The following DEFB108B variants were observed in gnomAD, a reference collection of about 807,000 sequenced individuals.
The protein encoded by DEFB108B is beta-defensin 108B.
In DEFB108B, 3 loss-of-function variants were observed where a neutral mutation model predicts 2.4. That is an observed-to-expected ratio of 1.25 (90% CI 0.57 to 3.24). The LOEUF (loss-of-function observed/expected upper bound fraction) is 3.24, where lower values mean the gene tolerates loss of function less well. Ranked by LOEUF, DEFB108B falls within the 30% of genes most tolerant of loss-of-function variation. The pLI is 0.03. For synonymous variants in DEFB108B, 25 were observed against 28.7 expected (o/e 0.87, Z 0.41); for missense variants, 101 against 87.8 (o/e 1.15, Z -0.60).
chr11:71,837,440 T>C lies in DEFB108B; in HGVS notation c.100T>C (p.Ser34Pro), dbSNP rs1211264378. The C allele has an allele frequency of 6.2e-7, 1 of 1,611,986 alleles. No homozygotes were observed. The highest frequency in any genetic ancestry group is 1.7e-5 in the Admixed American group (1 of 60,018). The change falls in exon 2 of 2, where the codon TCC becomes CCC. Residue 34 changes from serine (S) to proline (P), a missense_variant. Coordinates refer to ENST00000328698, the MANE Select transcript of DEFB108B (RefSeq NM_001002035.2). ...FKEICERPNG[S>P]CRDFCLETEI... is the part of the protein sequence containing the mutation. ...GGAGATCTGTGAACGTCCAAATGGC[T>C]CCTGTCGGGACTTTTGCCTTGAAAC...
At chr11:71,835,553 T>C (rs1366806618) in intron 1 of DEFB108B, among the ~76,000 whole-genome samples, 1 of 152,214 alleles carries the variant, frequency 6.6e-6, no homozygotes, top group African/African-American at 2.4e-5. Context: ...AACATACAAA[T>C]TTAGGTCTTT....
intron 1 of DEFB108B, among the ~76,000 whole-genome samples, chr11:71,834,548 G>A (rs1179431622): frequency 6.6e-6 from 1 of 152,164 alleles, no homozygotes. Context: ...ACAGGCAGAA[G>A]CATTACTCAC....
intron 1 of DEFB108B, among the ~76,000 whole-genome samples, chr11:71,834,260 C>T (rs1431772090): frequency 1.3e-5 from 2 of 152,102 alleles, no homozygotes; most frequent in Non-Finnish European, 2.9e-5. Flanking sequence ...TATATTAACT[C>T]GGTAGCACAC....
At chr11:71,833,749 T>C (rs1952195887) in intron 1 of DEFB108B, among the ~76,000 whole-genome samples, 1 of 152,198 alleles carries the variant, frequency 6.6e-6, no homozygotes, top group Non-Finnish European at 1.5e-5. Context: ...GGGCTTGACT[T>C]TTCCCCTTAA....
rs747515157 is a variant in DEFB108B, at chr11:71,837,444, G to C, written c.104G>C (p.Cys35Ser). 2.5e-6 allele frequency: 4 copies of C among 1,612,012 alleles called. No individual in the cohort carries two copies. The East Asian group carries it at 8.9e-5, about 36-fold the overall frequency. The stretch of plus-strand genomic sequence containing the variant: ...ATCTGTGAACGTCCAAATGGCTCCT[G>C]TCGGGACTTTTGCCTTGAAACAGAA... ...KEICERPNGS[C>S]RDFCLETEIH... Residue 35 changes from cysteine (C) to serine (S), a missense_variant, in exon 2 of 2, where the codon TGT becomes TCT. Coordinates refer to ENST00000328698, the MANE Select transcript of DEFB108B (RefSeq NM_001002035.2).
intron 1 of DEFB108B, among the ~76,000 whole-genome samples, chr11:71,834,499 A>T (rs1301707567): frequency 1.3e-5 from 2 of 152,174 alleles, no homozygotes; most frequent in Non-Finnish European, 2.9e-5. Context: ...TTTCATTGTC[A>T]CTCAATCAAA....
chr11:71,833,276 T>C lies in DEFB108B; in HGVS notation c.58+19T>C. ...CTACCAGGTAACAAAATAAACTTGG[T>C]AAGAGTAGAGTGCCTAACACCTTAC... On this transcript the variant is annotated intron_variant, in intron 1 of 1. Coordinates refer to ENST00000328698, the MANE Select transcript of DEFB108B (RefSeq NM_001002035.2). 1 of 1,552,722 alleles carries C rather than the reference T, an allele frequency of 6.4e-7. No individual in the cohort carries two copies. The highest frequency in any genetic ancestry group is 8.8e-7 in the Non-Finnish European group (1 of 1,132,630).
At position 71,837,383 on chromosome 11, in the gene DEFB108B, C is replaced by T. The variant is rs1952229154; in HGVS notation, c.59-16C>T. ...AAGACTGGTGAATGGTTACAATAACCCTCTTCTTCATGTAGCCAGGGGCAA... is the reference window on the plus strand; with the variant it reads ...AAGACTGGTGAATGGTTACAATAACTCTCTTCTTCATGTAGCCAGGGGCAA... On this transcript the variant is annotated splice_polypyrimidine_tract_variant and intron_variant, in intron 1 of 1. Coordinates refer to ENST00000328698, the MANE Select transcript of DEFB108B (RefSeq NM_001002035.2). The T allele has an allele frequency of 1.9e-6, 3 of 1,611,268 alleles. No homozygotes were observed. Among genetic ancestry groups the T allele is most frequent in the Non-Finnish European group, 2.5e-6 (3 of 1,179,320 alleles).
chr11:71,835,395 A>C (rs1952210112), intron 1 of DEFB108B, among the ~76,000 whole-genome samples: 1 of 152,160 alleles, frequency 6.6e-6, no homozygotes, highest in Non-Finnish European at 1.5e-5. Context: ...AGCTGCATCC[A>C]TGTTACTGAA....
intron 1 of DEFB108B, among the ~76,000 whole-genome samples, chr11:71,836,007 G>T (rs1952214107): frequency 6.6e-6 from 1 of 152,122 alleles, no homozygotes; most frequent in Admixed American, 6.5e-5. Context: ...CACAAGACAG[G>T]TCAGTGGTTC....
intron 1 of DEFB108B, chr11:71,834,607 GC>G (rs1391418047): frequency 6.6e-6 from 1 of 152,216 alleles, no homozygotes; most frequent in African/African-American, 2.4e-5. Flanking sequence ...ACAGGATGGT[GC>G]TAAAGAATGC....
At chr11:71,835,715 G>T (rs1279942584) in intron 1 of DEFB108B, among the ~76,000 whole-genome samples, 1 of 152,150 alleles carries the variant, frequency 6.6e-6, no homozygotes, top group Non-Finnish European at 1.5e-5. Flanking sequence ...ATGATTCAAA[G>T]ACCTGTGAAC....
At chr11:71,835,549 C>A (rs921327729) in intron 1 of DEFB108B, among the ~76,000 whole-genome samples, 6 of 152,154 alleles carry the variant, frequency 3.9e-5, no homozygotes, top group African/African-American at 1.2e-4. Flanking sequence ...GATGAACATA[C>A]AAATTTAGGT....
At chr11:71,836,994 CAA>C (rs1952225092) in intron 1 of DEFB108B, 1 of 170,130 alleles carries the variant, frequency 5.9e-6, no homozygotes, top group African/African-American at 2.4e-5. Flanking sequence ...AGAGATGAAC[CAA>C]AAGAGATTTT....
chr11:71,833,602 C>T (rs1952194749), intron 1 of DEFB108B, among the ~76,000 whole-genome samples: 1 of 152,206 alleles, frequency 6.6e-6, no homozygotes, highest in South Asian at 2.1e-4. Context: ...GTTAGTTTTC[C>T]TAAGAACTGG....
intron 1 of DEFB108B, chr11:71,834,762 A>C (rs1952204704): frequency 6.6e-6 from 1 of 152,242 alleles, no homozygotes; most frequent in Non-Finnish European, 1.5e-5. Context: ...TCAGAATACC[A>C]AGCCTTAGTG....
intron 1 of DEFB108B, among the ~76,000 whole-genome samples, chr11:71,835,312 C>A (rs1228296388): frequency 6.6e-6 from 1 of 152,108 alleles, no homozygotes. Flanking sequence ...TTGCTCGGCC[C>A]CCCCTTATAA....
rs1407523197 is a variant in DEFB108B, at chr11:71,837,454, T to C, written c.114T>C (p.Phe38=). 2 of 1,612,002 alleles carry C rather than the reference T, an allele frequency of 1.2e-6. No homozygotes were observed. Among genetic ancestry groups the C allele is most frequent in the Admixed American group, 3.3e-5 (2 of 60,018 alleles). ...GTCCAAATGGCTCCTGTCGGGACTT[T>C]TGCCTTGAAACAGAAATCCATGTTG... is the stretch of plus-strand genomic sequence containing the variant. ...CERPNGSCRD[F]CLETEIHVGR... is the part of the protein sequence containing the mutation. Residue 38 remains phenylalanine, a synonymous_variant, in exon 2 of 2, where the codon TTT becomes TTC. Coordinates refer to ENST00000328698, the MANE Select transcript of DEFB108B (RefSeq NM_001002035.2).
At chr11:71,834,712 G>A (rs984698072) in intron 1 of DEFB108B, 3 of 152,250 alleles carry the variant, frequency 2.0e-5, no homozygotes, top group African/African-American at 7.2e-5. Flanking sequence ...GAAGAGAGGA[G>A]GACACAGAGA....
Sources: gnomAD v4.1 joint callset for allele counts (sites outside exome capture counted in the v4.1 genomes callset) on GRCh38, gnomAD v4.1.1 for gene constraint, MANE v1.5 for transcripts, NCBI Gene and HGNC (gene_info 2026-07-23, HGNC 2026-07-21) for gene names.